The following DLGAP2 variants were observed in gnomAD, a reference collection of about 807,000 sequenced individuals.
The protein encoded by DLGAP2 is disks large-associated protein 2.
In DLGAP2, 26 loss-of-function variants were observed where a neutral mutation model predicts 100.3. The observed-to-expected ratio is 0.26, with a 90% CI of 0.19 to 0.36. The LOEUF (loss-of-function observed/expected upper bound fraction) is 0.36. DLGAP2 is among the 10% of genes least tolerant of loss of function. DLGAP2 has a pLI of 1.00. For missense variants in DLGAP2, 1,858 were observed against 1,453.2 expected, an observed-to-expected ratio of 1.28 and a Z score of -4.53; for synonymous variants, 886 against 630.1, an observed-to-expected ratio of 1.41 and a Z score of -6.08.
intron 1 of DLGAP2, among the ~76,000 whole-genome samples, chr8:878,313 G>A (rs1038605296): frequency 5.3e-5 from 8 of 152,170 alleles, no homozygotes; most frequent in African/African-American, 1.9e-4. Flanking sequence ...AGATCCATGG[G>A]ACCCTCTGAA....
At chr8:1,428,770 A>T (rs775587262) in intron 3 of DLGAP2, among the ~76,000 whole-genome samples, 2 of 152,216 alleles carry the variant, frequency 1.3e-5, no homozygotes, top group African/African-American at 4.8e-5. Context: ...GGAAGAGGCC[A>T]TGTGGCTCAT....
intron 2 of DLGAP2, among the ~76,000 whole-genome samples, chr8:1,174,281 A>C (rs1019695842): frequency 6.6e-6 from 1 of 152,070 alleles, no homozygotes; most frequent in Non-Finnish European, 1.5e-5. Context: ...CACCACCATC[A>C]TCACCACCAT....
intron 6 of DLGAP2, among the ~76,000 whole-genome samples, chr8:1,601,175 C>G (rs1490252194): frequency 6.6e-6 from 1 of 152,244 alleles, no homozygotes; most frequent in African/African-American, 2.4e-5. Context: ...ACTCCAGACC[C>G]TGTTTGCCTG....
intron 2 of DLGAP2, among the ~76,000 whole-genome samples, chr8:1,033,746 A>C (rs376689490): frequency 5.9e-3 from 362 of 61,558 alleles, no homozygotes; most frequent in Middle Eastern, 0.022. Flanking sequence ...GGGTTCACAC[A>C]CTCATCCCGA....
intron 4 of DLGAP2, among the ~76,000 whole-genome samples, chr8:1,532,939 C>T (rs1252568878): frequency 6.6e-6 from 1 of 152,108 alleles, no homozygotes; most frequent in Admixed American, 6.6e-5. Context: ...ACGTATGCCC[C>T]ACGGTGAAAT....
intron 1 of DLGAP2, among the ~76,000 whole-genome samples, chr8:808,700 G>C (rs2132666939): frequency 6.6e-6 from 1 of 152,340 alleles, no homozygotes; most frequent in East Asian, 1.9e-4. Context: ...TTGTGGCACA[G>C]GAGTGTGGGC....
chr8:862,162 G>A (rs1797404247), intron 1 of DLGAP2, among the ~76,000 whole-genome samples: 1 of 152,138 alleles, frequency 6.6e-6, no homozygotes, highest in Non-Finnish European at 1.5e-5. Context: ...GCCAGGAGAA[G>A]GCTCCGGGCC....
At chr8:1,072,972 T>A (rs1045365309) in intron 2 of DLGAP2, among the ~76,000 whole-genome samples, 1 of 152,202 alleles carries the variant, frequency 6.6e-6, no homozygotes, top group Non-Finnish European at 1.5e-5. Flanking sequence ...CACATTAGGA[T>A]TTTTAGCTGT....
intron 1 of DLGAP2, among the ~76,000 whole-genome samples, chr8:744,114 G>A (rs541885296): frequency 6.6e-6 from 1 of 152,272 alleles, no homozygotes; most frequent in South Asian, 2.1e-4. Context: ...AGCCATCATC[G>A]TGGTTCTCTC....
At chr8:1,027,447 G>T (rs1320861428) in intron 2 of DLGAP2, among the ~76,000 whole-genome samples, 1 of 150,378 alleles carries the variant, frequency 6.6e-6, no homozygotes, top group South Asian at 2.1e-4. Flanking sequence ...GGTGCCAGGC[G>T]CTCGTTATTC....
At chr8:1,208,127 A>G (rs1798032592) in intron 2 of DLGAP2, among the ~76,000 whole-genome samples, 1 of 152,152 alleles carries the variant, frequency 6.6e-6, no homozygotes, top group Non-Finnish European at 1.5e-5. Flanking sequence ...TTGCTCATGA[A>G]GTATTTGCCT....
At chr8:1,252,472 C>T (rs4345582) in intron 2 of DLGAP2, among the ~76,000 whole-genome samples, 15,865 of 147,568 alleles carry the variant, frequency 0.11, 2,101 homozygotes, top group African/African-American at 0.32. Flanking sequence ...GCGTGTGTTG[C>T]GTTGTCCTGG....
intron 2 of DLGAP2, among the ~76,000 whole-genome samples, chr8:1,225,480 G>A (rs1377513650): frequency 6.6e-6 from 1 of 152,192 alleles, no homozygotes; most frequent in East Asian, 1.9e-4. Context: ...TTGGACTGAT[G>A]AAAAACGTCT....
intron 2 of DLGAP2, among the ~76,000 whole-genome samples, chr8:1,233,935 C>T (rs1412359723): frequency 2.6e-5 from 4 of 152,122 alleles, no homozygotes; most frequent in Non-Finnish European, 4.4e-5. Context: ...CACAAAAGGA[C>T]TTAAGGTGTC....
At chr8:1,563,451 A>G (rs2956906) in intron 5 of DLGAP2, among the ~76,000 whole-genome samples, 460 of 12,076 alleles carry the variant, frequency 0.038, 2 homozygotes, top group African/African-American at 0.057. Context: ...TTACTGGGGG[A>G]CTGTGTGGTG....
chr8:1,328,486 G>A (rs993331629), intron 3 of DLGAP2, among the ~76,000 whole-genome samples: 3 of 151,636 alleles, frequency 2.0e-5, no homozygotes, highest in African/African-American at 7.3e-5. Context: ...ATTTGTGTGT[G>A]TTTTTTTGTT....
intron 3 of DLGAP2, among the ~76,000 whole-genome samples, chr8:1,264,576 G>C (rs756810822): frequency 4.6e-5 from 7 of 152,106 alleles, no homozygotes; most frequent in Non-Finnish European, 1.0e-4. Context: ...AGTTGTTCCA[G>C]AATCAGTTAT....
intron 2 of DLGAP2, among the ~76,000 whole-genome samples, chr8:961,413 T>C (rs1363812395): frequency 2.0e-5 from 3 of 152,228 alleles, no homozygotes; most frequent in Non-Finnish European, 4.4e-5. Flanking sequence ...TATGCTTCTT[T>C]CTAGAAGTCC....
At chr8:738,356 C>G (rs1051552060) in intron 1 of DLGAP2, among the ~76,000 whole-genome samples, 1 of 151,408 alleles carries the variant, frequency 6.6e-6, no homozygotes, top group Non-Finnish European at 1.5e-5. Context: ...GCGGGGGCGA[C>G]CAGGATGGGG....
Sources: allele counts gnomAD v4.1 joint callset (sites outside exome capture counted in the v4.1 genomes callset), GRCh38; gene constraint gnomAD v4.1.1; transcripts MANE v1.5; gene names NCBI Gene and HGNC (gene_info 2026-07-23, HGNC 2026-07-21).